The following PVRIG variants were observed in gnomAD, a reference collection of about 807,000 sequenced individuals.
The protein encoded by PVRIG is transmembrane protein PVRIG.
PVRIG carries 16 observed loss-of-function variants against 21.9 expected under a neutral mutation model. That is an observed-to-expected ratio of 0.73 (90% CI 0.50 to 1.11). PVRIG has a LOEUF of 1.11. Among genes scored for constraint, PVRIG ranks in the 50% most tolerant of loss-of-function variants. PVRIG has a pLI of 0.00. For synonymous variants in PVRIG, 190 were observed against 181.0 expected (o/e 1.05, Z -0.40); for missense variants, 435 against 445.7 (o/e 0.98, Z 0.22).
chr7:100,220,354 G>C, exon 3 of PVRIG: 3 of 1,561,480 alleles, frequency 1.9e-6, no homozygotes, highest in Non-Finnish European at 2.6e-6. Context: ...ATCCTGGAAG[G>C]CTCTGGGGCC....
At chr7:100,221,157 C>G in exon 6 of PVRIG, 1 of 1,613,228 alleles carries the variant, frequency 6.2e-7, no homozygotes, top group Admixed American at 1.7e-5. Context: ...TACGCTCAGG[C>G]AGGGGAGAGG....
At chr7:100,220,088 C>A in intron 2 of PVRIG, 26 bp from the exon 2 acceptor site, 1 of 1,602,742 alleles carries the variant, frequency 6.2e-7, no homozygotes, top group South Asian at 1.1e-5. Flanking sequence ...GGACAACAGC[C>A]CACCGACCTT....
At chr7:100,220,214 G>A (rs1459687545) in exon 3 of PVRIG, 3 of 1,595,030 alleles carry the variant, frequency 1.9e-6, no homozygotes, top group Non-Finnish European at 2.6e-6. Context: ...TCTCCCTGGT[G>A]ACTGTGAGCT....
exon 4 of PVRIG, chr7:100,220,593 G>T (rs1280786728): frequency 6.2e-7 from 1 of 1,612,044 alleles, no homozygotes; most frequent in Admixed American, 1.7e-5. Context: ...GGGCAGACCT[G>T]GCCGGGATCT....
At chr7:100,219,562 C>T in intron 1 of PVRIG, 1 of 370,622 alleles carries the variant, frequency 2.7e-6, no homozygotes. Context: ...GCTGGCTTCC[C>T]ACTCCCAGGG....
exon 3 of PVRIG, chr7:100,220,133 T>G (rs1803122691): frequency 6.3e-7 from 1 of 1,599,642 alleles, no homozygotes; most frequent in Non-Finnish European, 8.5e-7. Context: ...AGGTGTGGGT[T>G]CAAGTTCGGA....
At position 100,221,103 on chromosome 7, in the gene PVRIG, C is replaced by T. The variant is rs757239515; in HGVS notation, c.833C>T (p.Pro278Leu). Reference sequence around the variant, plus strand: ...GGCCCTGCCGCCTGGGCCTCCACACCCATCCCTGCACGTGGCAGCTTTGTC... The same window carrying T: ...GGCCCTGCCGCCTGGGCCTCCACACTCATCCCTGCACGTGGCAGCTTTGTC... Residue 278 changes from proline (P) to leucine (L), a missense_variant, in exon 6 of 6, where the codon CCC (proline) becomes CTC (leucine). By Grantham distance (98) the Pro-to-Leu change is moderately conservative. Transcript: ENST00000317271. The T allele has an allele frequency of 1.9e-6, 3 of 1,614,010 alleles. No individual in the cohort carries two copies. In the Admixed American group the frequency reaches 5.0e-5, roughly 27 times the overall value.
chr7:100,221,341 C>A, exon 6 of PVRIG: 2 of 1,102,074 alleles, frequency 1.8e-6, no homozygotes, highest in African/African-American at 1.6e-5. Flanking sequence ...AATAAGTGTC[C>A]CATAGGTGTC....
intron 1 of PVRIG, chr7:100,219,453 G>A (rs117789573): frequency 0.015 from 3,297 of 221,002 alleles, 41 homozygotes; most frequent in Non-Finnish European, 0.023. Flanking sequence ...GAGCCAGGCT[G>A]GGGGTTGTGG....
exon 3 of PVRIG, chr7:100,220,231 G>C (rs769922323): frequency 2.5e-6 from 4 of 1,586,238 alleles, no homozygotes; most frequent in Admixed American, 1.8e-5. Context: ...AGCTGGGGGG[G>C]CCCCAACGGT....
chr7:100,220,917 C>A lies in PVRIG; in HGVS notation c.658-11C>A. On this transcript the variant is annotated splice_polypyrimidine_tract_variant and intron_variant, in intron 5 of 5. Transcript: ENST00000317271. ...TGTGCAGACTCACTTGACCCTCCTT[C>A]CCCCGCGCAGGCACCAAGCCAGGCC... 1.3e-6 allele frequency: 2 copies of A among 1,576,120 alleles called. No homozygotes were observed. The highest frequency in any genetic ancestry group is 1.4e-5 in the African/African-American group (1 of 73,740).
intron 1 of PVRIG, chr7:100,219,594 G>T: frequency 2.3e-6 from 1 of 438,794 alleles, no homozygotes; most frequent in African/African-American, 2.0e-5. Flanking sequence ...CGATTCCTTA[G>T]CTGGGTGAGG....
At chr7:100,220,091 C>A in intron 2 of PVRIG, 23 bp from the exon 2 acceptor site, 1 of 1,602,492 alleles carries the variant, frequency 6.2e-7, no homozygotes, top group South Asian at 1.1e-5. Flanking sequence ...CAACAGCCCA[C>A]CGACCTTGCT....
chr7:100,220,866 C>G, intron 5 of PVRIG, 46 bp downstream of exon 4: 6 of 1,600,516 alleles, frequency 3.7e-6, no homozygotes, highest in Non-Finnish European at 5.1e-6. Flanking sequence ...GGGGCAGGGG[C>G]AGGGGGGCCA....
chr7:100,220,301 T>C (rs1480616401), exon 3 of PVRIG: 1 of 1,558,034 alleles, frequency 6.4e-7, no homozygotes, highest in Non-Finnish European at 8.7e-7. Flanking sequence ...AATGGGCCCC[T>C]GCTCGCCAGG....
chr7:100,220,609 G>T, exon 4 of PVRIG: 1 of 1,611,864 alleles, frequency 6.2e-7, no homozygotes, highest in South Asian at 1.1e-5. Flanking sequence ...GATCTTGGGG[G>T]TCTCAGGAGT....
intron 5 of PVRIG, 35 bp from the exon 5 acceptor site, chr7:100,220,893 G>T (rs550533265): frequency 2.5e-6 from 4 of 1,588,674 alleles, no homozygotes; most frequent in Non-Finnish European, 3.4e-6. Flanking sequence ...GGCCCAAGCT[G>T]TGCAGACTCA....
exon 6 of PVRIG, chr7:100,221,166 G>A (rs151200736): frequency 1.7e-5 from 28 of 1,612,470 alleles, no homozygotes; most frequent in Non-Finnish European, 2.1e-5. Flanking sequence ...GCAGGGGAGA[G>A]GCCTCCTCAC....
In PVRIG at chr7:100,220,988, T is replaced by C. The variant is rs200489851; in HGVS notation, c.718T>C (p.Cys240Arg). The C allele has an allele frequency of 1.1e-5, 18 of 1,601,016 alleles. No individual in the cohort carries two copies. In the Admixed American group the frequency reaches 1.9e-4, roughly 17 times the overall value. ...CCCTTATGCCACTATCAACACCAGC[T>C]GCCGCCCAGCTACTTTGGACACAGC... The change falls in exon 6 of 6, where the codon TGC (cysteine) becomes CGC (arginine). Residue 240 changes from cysteine to arginine, a missense_variant. Transcript: ENST00000317271.
Sources: allele counts gnomAD v4.1 joint callset, GRCh38; gene constraint gnomAD v4.1.1; transcripts MANE v1.5; gene names NCBI Gene and HGNC (gene_info 2026-07-23, HGNC 2026-07-21).